Variants in SEMA5A observed in about 807,000 individuals in gnomAD.
SEMA5A encodes semaphorin-5A.
Under a neutral mutation model 135.5 loss-of-function variants are expected in SEMA5A, and 55 were observed. That is an observed-to-expected ratio of 0.41 (90% CI 0.33 to 0.51). The LOEUF is 0.51. Among genes scored for constraint, SEMA5A ranks in the 20% least tolerant of loss-of-function variants. The pLI, the probability that SEMA5A is intolerant of heterozygous loss-of-function variation, is 0.37. For synonymous variants in SEMA5A, 580 were observed against 546.5 expected, an observed-to-expected ratio of 1.06 and a Z score of -0.85; for missense variants, 1,290 against 1,419.9, an observed-to-expected ratio of 0.91 and a Z score of 1.47.
chr5:9,303,118 A>AT (rs1365571816), intron 5 of SEMA5A, among the ~76,000 whole-genome samples: 15 of 144,184 alleles, frequency 1.0e-4, no homozygotes, highest in African/African-American at 3.4e-4. Context: ...ATATATATAT[A>AT]ATTTTTTTTT....
At chr5:9,524,897 C>T (rs1039910379) in intron 1 of SEMA5A, among the ~76,000 whole-genome samples, 1 of 152,012 alleles carries the variant, frequency 6.6e-6, no homozygotes, top group Non-Finnish European at 1.5e-5. Flanking sequence ...CTATTGAATG[C>T]CCAAAATTTG....
rs184455111 is a variant in SEMA5A, at chr5:9,364,343, T to C, written c.124+15480A>G. On this transcript the variant is annotated intron_variant, in intron 3 of 22. Coordinates refer to ENST00000382496, the MANE Select transcript of SEMA5A (RefSeq NM_003966.3). ...GCCTTTGGCCCTTAATACAAACTTATTTTATAGCCCTGAATGTAATTCCTA... is the reference window on the plus strand; with the variant it reads ...GCCTTTGGCCCTTAATACAAACTTACTTTATAGCCCTGAATGTAATTCCTA... 2.4e-3 allele frequency among the ~76,000 whole-genome samples: 361 copies of C among 152,296 alleles called. 1 individual carries two copies. Among genetic ancestry groups the C allele is most frequent in the African/African-American group, 7.0e-3 (291 of 41,566 alleles).
At chr5:9,205,274 G>A (rs1243869621) in intron 8 of SEMA5A, among the ~76,000 whole-genome samples, 2 of 152,012 alleles carry the variant, frequency 1.3e-5, no homozygotes, top group African/African-American at 4.8e-5. Flanking sequence ...GACAATAAAT[G>A]ATGAGATGAA....
intron 19 of SEMA5A, 71 bp from the exon 20 acceptor site, chr5:9,052,099 A>C: frequency 7.0e-7 from 1 of 1,429,744 alleles, no homozygotes; most frequent in South Asian, 1.5e-5. Flanking sequence ...CTCACTGGCA[A>C]GTTACATATG....
intron 16 of SEMA5A, among the ~76,000 whole-genome samples, chr5:9,082,598 T>C (rs554393263): frequency 1.3e-5 from 2 of 152,332 alleles, no homozygotes; most frequent in Admixed American, 6.5e-5. Flanking sequence ...GTTCCTCCAC[T>C]TTCTCATCTA....
intron 15 of SEMA5A, among the ~76,000 whole-genome samples, chr5:9,117,658 A>C (rs973496604): frequency 3.3e-5 from 5 of 152,202 alleles, no homozygotes; most frequent in Admixed American, 3.3e-4. Context: ...GCATCATGTC[A>C]CTGCTAGAAA....
At chr5:9,466,062 C>A (rs569439128) in intron 1 of SEMA5A, among the ~76,000 whole-genome samples, 1 of 152,042 alleles carries the variant, frequency 6.6e-6, no homozygotes, top group African/African-American at 2.4e-5. Flanking sequence ...TTCTTTCTCT[C>A]GAGGGTAATG....
At chr5:9,133,511 A>G (rs1054144748) in intron 13 of SEMA5A, among the ~76,000 whole-genome samples, 1 of 152,190 alleles carries the variant, frequency 6.6e-6, no homozygotes, top group Non-Finnish European at 1.5e-5. Flanking sequence ...GTAATGAAAT[A>G]CCCTGTCATC....
chr5:9,208,324 C>T (rs1356528314), intron 8 of SEMA5A, among the ~76,000 whole-genome samples: 1 of 152,198 alleles, frequency 6.6e-6, no homozygotes, highest in African/African-American at 2.4e-5. Flanking sequence ...AGGGACCATG[C>T]TACAGACGAG....
At chr5:9,376,824 T>A (rs1755380175) in intron 3 of SEMA5A, among the ~76,000 whole-genome samples, 1 of 152,204 alleles carries the variant, frequency 6.6e-6, no homozygotes, top group South Asian at 2.1e-4. Flanking sequence ...TAGGTATTCA[T>A]ATCCAGGGCA....
chr5:9,539,887 A>G (rs1476230230), intron 1 of SEMA5A, among the ~76,000 whole-genome samples: 6 of 152,208 alleles, frequency 3.9e-5, no homozygotes, highest in Non-Finnish European at 8.8e-5. Context: ...GAACTAGGAA[A>G]TATGCAGTCC....
intron 1 of SEMA5A, among the ~76,000 whole-genome samples, chr5:9,442,582 C>T (rs1758278887): frequency 6.6e-6 from 1 of 152,094 alleles, no homozygotes; most frequent in African/African-American, 2.4e-5. Context: ...GCCCATGAGC[C>T]ACATGGCAAA....
At chr5:9,181,819 T>C (rs891161883) in intron 11 of SEMA5A, among the ~76,000 whole-genome samples, 2 of 152,090 alleles carry the variant, frequency 1.3e-5, no homozygotes, top group African/African-American at 2.4e-5. Flanking sequence ...AAAGTACCCT[T>C]GCCAACCCCG....
chr5:9,190,159 G>A, intron 11 of SEMA5A, 108 bp downstream of exon 11: 5 of 1,173,054 alleles, frequency 4.3e-6, no homozygotes, highest in Non-Finnish European at 4.9e-6. Context: ...TGCAAAAAGA[G>A]ACATCAGGCG....
At chr5:9,429,095 G>A (rs951115257) in intron 2 of SEMA5A, among the ~76,000 whole-genome samples, 9 of 152,306 alleles carry the variant, frequency 5.9e-5, no homozygotes, top group Middle Eastern at 6.8e-3. Context: ...ATCCGGCCAT[G>A]GAGAAGGAAG....
At chr5:9,353,093 GGAA>G (rs1246219342) in intron 3 of SEMA5A, among the ~76,000 whole-genome samples, 2 of 12,834 alleles carry the variant, frequency 1.6e-4, no homozygotes, top group Non-Finnish European at 3.0e-4. Flanking sequence ...GGAAAGGAAA[GGAA>G]GGAAGGAAAG....
At chr5:9,355,858 T>TA (rs1754419301) in intron 3 of SEMA5A, among the ~76,000 whole-genome samples, 1 of 152,166 alleles carries the variant, frequency 6.6e-6, no homozygotes, top group Non-Finnish European at 1.5e-5. Flanking sequence ...AATGAATGAA[T>TA]AAAGCCCACA....
intron 1 of SEMA5A, among the ~76,000 whole-genome samples, chr5:9,482,288 T>C (rs1759907713): frequency 6.6e-6 from 1 of 152,216 alleles, no homozygotes; most frequent in Non-Finnish European, 1.5e-5. Flanking sequence ...AAAAATATCT[T>C]ATTAACTCAG....
intron 5 of SEMA5A, among the ~76,000 whole-genome samples, chr5:9,252,017 A>C (rs1485672448): frequency 6.6e-6 from 1 of 152,202 alleles, no homozygotes; most frequent in African/African-American, 2.4e-5. Context: ...TCCAGGGTCC[A>C]CAATCTTAAC....
Sources: allele counts gnomAD v4.1 joint callset (sites outside exome capture counted in the v4.1 genomes callset), GRCh38; gene constraint gnomAD v4.1.1; transcripts MANE v1.5; gene names NCBI Gene and HGNC (gene_info 2026-07-23, HGNC 2026-07-21).